NTRK1: variants seen among roughly 807,000 people sequenced by gnomAD.
NTRK1 encodes the protein high affinity nerve growth factor receptor.
NTRK1 carries 62 observed loss-of-function variants against 86.8 expected under a neutral mutation model. The observed-to-expected ratio is 0.71, with a 90% CI of 0.58 to 0.88. NTRK1 has a LOEUF of 0.88. Ranked by LOEUF, NTRK1 falls within the 40% of genes least tolerant of loss-of-function variation. The probability of loss-of-function intolerance (pLI) is 0.00; values close to 1 mark genes in which losing one functional copy is unlikely to be tolerated. For synonymous variants in NTRK1, 469 were observed against 456.6 expected (o/e 1.03, Z -0.35); for missense variants, 967 against 1,078.4 (o/e 0.90, Z 1.45).
At chr1:156,834,729 A>G (rs78393453) in intron 1 of NTRK1, among the ~76,000 whole-genome samples, 2 of 151,430 alleles carry the variant, frequency 1.3e-5, no homozygotes, top group Non-Finnish European at 2.9e-5. Flanking sequence ...TTTCAAGAAG[A>G]AAAAAAAAGA....
At chr1:156,841,793 G>C (rs1198990583) in intron 1 of NTRK1, 1 of 1,614,162 alleles carries the variant, frequency 6.2e-7, no homozygotes, top group Non-Finnish European at 8.5e-7. Flanking sequence ...TCATCCCGAA[G>C]TCTGGAAAGT....
At chr1:156,866,356 C>T (rs1169352413) in intron 3 of NTRK1, among the ~76,000 whole-genome samples, 1 of 152,168 alleles carries the variant, frequency 6.6e-6, no homozygotes, top group Non-Finnish European at 1.5e-5. Context: ...TCCATCCATA[C>T]AACGAGGGGG....
chr1:156,841,943 C>G, intron 1 of NTRK1: 1 of 1,542,500 alleles, frequency 6.5e-7, no homozygotes, highest in East Asian at 2.3e-5. Flanking sequence ...CAGAACTCAT[C>G]CCATCCAAAC....
At chr1:156,874,704 G>T (rs973806687) in intron 10 of NTRK1, 78 bp downstream of exon 10, 3 of 1,459,608 alleles carry the variant, frequency 2.1e-6, no homozygotes, top group Non-Finnish European at 2.8e-6. Context: ...GTCATTTCTG[G>T]TCAGAGCAGG....
chr1:156,860,789 G>C (rs1655599933), upstream of NTRK1: 2 of 1,325,390 alleles, frequency 1.5e-6, no homozygotes, highest in Admixed American at 8.2e-5. Flanking sequence ...GGGGCAAGGC[G>C]GGGCCGGGCG....
intron 2 of NTRK1, chr1:156,853,725 A>G: frequency 6.4e-7 from 1 of 1,571,616 alleles, no homozygotes; most frequent in Non-Finnish European, 8.7e-7. Flanking sequence ...TCCCTTCCCT[A>G]CATTCATGTT....
intron 6 of NTRK1, among the ~76,000 whole-genome samples, chr1:156,870,555 C>T (rs945297527): frequency 2.6e-5 from 4 of 152,146 alleles, no homozygotes; most frequent in Non-Finnish European, 5.9e-5. Context: ...GGCTTCCCCT[C>T]GAAGTGGCTG....
At chr1:156,841,888 T>A in intron 1 of NTRK1, 1 of 1,603,350 alleles carries the variant, frequency 6.2e-7, no homozygotes, top group East Asian at 2.2e-5. Flanking sequence ...CTTCTCATCC[T>A]CCAGAGTCAC....
At chr1:156,847,603 T>C (rs938652153) in intron 2 of NTRK1, among the ~76,000 whole-genome samples, 1 of 152,032 alleles carries the variant, frequency 6.6e-6, no homozygotes, top group African/African-American at 2.4e-5. Flanking sequence ...GTGGGGGAAC[T>C]TGTGGCCCAG....
rs199646180 is a variant in NTRK1 at position 156,874,392 on chromosome 1, C to T, written c.1187C>T (p.Ser396Leu). 7.9e-5 allele frequency: 128 copies of T among 1,614,160 alleles called. No homozygotes were observed. Among genetic ancestry groups the T allele is most frequent in the East Asian group, 5.8e-4 (26 of 44,874 alleles). ...CTCCCTCCTGCTGCAGTCTCCTTCT[C>T]GCCGGTGGGTGAGTAGCCCAAGGTG... ...NPEDPIPVSF[S>L]PVDTNSTSGD... Residue 396 changes from serine (S) to leucine (L), a missense_variant, in exon 9 of 17, where the codon TCG becomes TTG. This residue lies in a region of NTRK1 where 637 missense variants were observed against 776.5 expected (regional missense o/e 0.82). Coordinates refer to ENST00000524377, the MANE Select transcript of NTRK1 (RefSeq NM_002529.4).
intron 1 of NTRK1, among the ~76,000 whole-genome samples, chr1:156,820,531 G>A (rs1349117293): frequency 6.6e-6 from 1 of 152,220 alleles, no homozygotes; most frequent in East Asian, 1.9e-4. Context: ...ACAGGCGTGA[G>A]CCACCACATC....
At chr1:156,836,697 G>A (rs528502612) in intron 1 of NTRK1, among the ~76,000 whole-genome samples, 2 of 152,038 alleles carry the variant, frequency 1.3e-5, no homozygotes, top group Non-Finnish European at 2.9e-5. Flanking sequence ...CTAAGTCGGG[G>A]AGGCCAAACC....
chr1:156,851,935 G>C, intron 2 of NTRK1: 1 of 1,603,716 alleles, frequency 6.2e-7, no homozygotes, highest in Non-Finnish European at 8.5e-7. Flanking sequence ...CCAGGCAACT[G>C]CCCTGGTGTA....
chr1:156,840,935 C>T, intron 1 of NTRK1: 2 of 1,614,110 alleles, frequency 1.2e-6, no homozygotes, highest in Non-Finnish European at 8.5e-7. Context: ...GAGTCAGGCT[C>T]TGCATCGGTG....
intron 2 of NTRK1, 117 bp from the exon 3 acceptor site, chr1:156,864,611 G>A (rs1379327553): frequency 1.7e-6 from 2 of 1,208,626 alleles, no homozygotes; most frequent in South Asian, 1.3e-5. Flanking sequence ...AACAATGAGG[G>A]GCCTGAGGAG....
At chr1:156,819,502 A>T (rs377083640) in intron 1 of NTRK1, among the ~76,000 whole-genome samples, 2 of 63,488 alleles carry the variant, frequency 3.2e-5, no homozygotes, top group Admixed American at 3.6e-4. Flanking sequence ...TGGGATTATT[A>T]TTTTTTTATT....
intron 10 of NTRK1, 33 bp downstream of exon 10, chr1:156,874,659 T>C (rs1247780446): frequency 1.2e-6 from 2 of 1,602,914 alleles, no homozygotes; most frequent in Non-Finnish European, 1.7e-6. Flanking sequence ...GTGCAGACTT[T>C]GGGACCGGGA....
At chr1:156,824,188 C>A (rs566231309) in intron 1 of NTRK1, among the ~76,000 whole-genome samples, 36 of 152,310 alleles carry the variant, frequency 2.4e-4, no homozygotes, top group African/African-American at 7.7e-4. Flanking sequence ...TATTCTTACC[C>A]TGGACTATCG....
At chr1:156,829,352 C>A (rs1327296298) in intron 1 of NTRK1, among the ~76,000 whole-genome samples, 5 of 152,136 alleles carry the variant, frequency 3.3e-5, no homozygotes, top group Admixed American at 2.6e-4. Flanking sequence ...CCTCATCCCC[C>A]CTTTTCAGTT....
Sources: allele counts gnomAD v4.1 joint callset (sites outside exome capture counted in the v4.1 genomes callset), GRCh38; gene constraint gnomAD v4.1.1; regional missense constraint gnomAD v4.1.1; transcripts MANE v1.5; gene names NCBI Gene and HGNC (gene_info 2026-07-23, HGNC 2026-07-21).